The following CELF6 variants were observed in gnomAD, a reference collection of about 807,000 sequenced individuals.
The protein encoded by CELF6 is CUGBP Elav-like family member 6.
Under a neutral mutation model 53.1 loss-of-function variants are expected in CELF6, and 32 were observed. That is an observed-to-expected ratio of 0.60 (90% confidence interval 0.46 to 0.81). CELF6 has a LOEUF of 0.81. Ranked by LOEUF, CELF6 falls within the 30% of genes least tolerant of loss-of-function variation. The probability of loss-of-function intolerance (pLI) is 0.00; values close to 1 mark genes in which losing one functional copy is unlikely to be tolerated. For synonymous variants in CELF6, 291 were observed against 288.8 expected (o/e 1.01, Z -0.08); for missense variants, 539 against 669.5 (o/e 0.81, Z 2.15).
rs746332755 is a variant in CELF6 at position 72,287,400 on chromosome 15, G to A, written c.1319-8C>T. The A allele has an allele frequency of 6.2e-7, 1 of 1,613,760 alleles. No homozygotes were observed. Among genetic ancestry groups the A allele is most frequent in the African/African-American group, 1.3e-5 (1 of 74,922 alleles). On this transcript the variant is annotated splice_polypyrimidine_tract_variant and splice_region_variant and intron_variant, in intron 11 of 12. Coordinates refer to ENST00000287202, the MANE Select transcript of CELF6 (RefSeq NM_052840.5). ...TGTCAAAACTAACAAACCCTGGAGG[G>A]TGTGGGCAAAGAGATTAGCTGGGGA...
intron 3 of CELF6, among the ~76,000 whole-genome samples, chr15:72,293,566 G>A (rs1435569690): frequency 2.0e-5 from 3 of 152,196 alleles, no homozygotes; most frequent in African/African-American, 7.2e-5. Flanking sequence ...CAACCTTCCT[G>A]GAGTGGAAAG....
rs2141180464 is a variant in CELF6, at chr15:72,285,392, G to A, written c.*979C>T. Reference sequence around the variant, plus strand: ...ATATCCTGAATCTACTTTACAGGTGGGCAAACTTAGACTAAGAGACAGAAG... The same window carrying A: ...ATATCCTGAATCTACTTTACAGGTGAGCAAACTTAGACTAAGAGACAGAAG... On this transcript the variant is annotated 3_prime_UTR_variant, in exon 13 of 13. Transcript: ENST00000287202. 6.6e-6 allele frequency: 1 copy of A among 152,514 alleles called. No homozygotes were observed. Among genetic ancestry groups the A allele is most frequent in the Non-Finnish European group, 1.5e-5 (1 of 68,060 alleles). 9.4% of individuals were successfully genotyped at this position (152,514 alleles called of 1,614,324 possible). A position where few individuals can be genotyped will look rare whatever the true frequency, so the allele number is the denominator to read the frequency against.
Position 72,319,689 on chromosome 15 carries a change from G to C in CELF6, c.186C>G (p.Leu62=). ...GGCCGAACTCCTCGAACAGCGGCTT[G>C]AGGTCCTGCTCGTCCAAGCCCCGCG... The part of the protein sequence containing the change: ...QIPRGLDEQD[L]KPLFEEFGRI... Residue 62 remains leucine (L), a synonymous_variant, in exon 1 of 13, where the codon CTC becomes CTG. Coordinates refer to ENST00000287202, the MANE Select transcript of CELF6 (RefSeq NM_052840.5). This position sits in a 1 kb window ranked among gnomAD's most constrained non-coding sequence, Gnocchi z 5.0. 6.3e-7 allele frequency: 1 copy of C among 1,590,318 alleles called. No individual in the cohort carries two copies. The highest frequency in any genetic ancestry group is 8.6e-7 in the Non-Finnish European group (1 of 1,168,512).
intron 2 of CELF6, 70 bp from the exon 3 acceptor site, chr15:72,304,864 C>A: frequency 2.1e-6 from 3 of 1,416,950 alleles, no homozygotes; most frequent in Non-Finnish European, 3.0e-6. Flanking sequence ...GCTTCTCGAA[C>A]CCTGGACTCC....
At chr15:72,308,527 G>A (rs1172868346) in intron 2 of CELF6, among the ~76,000 whole-genome samples, 1 of 151,954 alleles carries the variant, frequency 6.6e-6, no homozygotes, top group Non-Finnish European at 1.5e-5. Context: ...GCACCTGGCC[G>A]GTTTTTGTTG....
At chr15:72,306,326 C>T (rs184877786) in intron 2 of CELF6, 1 of 984,642 alleles carries the variant, frequency 1.0e-6, no homozygotes, top group East Asian at 1.1e-4. Flanking sequence ...GCCCATCTGG[C>T]CTGAGAAGGT....
At chr15:72,318,973 G>C (rs545578975) in intron 1 of CELF6, among the ~76,000 whole-genome samples, 4 of 152,316 alleles carry the variant, frequency 2.6e-5, no homozygotes, top group African/African-American at 9.6e-5. Flanking sequence ...GGAGAGATTG[G>C]GGCTGTTGTT....
chr15:72,318,482 G>C (rs567917817), intron 1 of CELF6, among the ~76,000 whole-genome samples: 1 of 152,290 alleles, frequency 6.6e-6, no homozygotes, highest in South Asian at 2.1e-4. Context: ...CATGGTGGTG[G>C]TGGTGGGGGA....
At chr15:72,311,556 T>C (rs1318666124) in intron 2 of CELF6, among the ~76,000 whole-genome samples, 3 of 151,550 alleles carry the variant, frequency 2.0e-5, no homozygotes, top group Non-Finnish European at 4.4e-5. Flanking sequence ...GCGCTCGCCA[T>C]CACGCCCTGC....
intron 4 of CELF6, 54 bp from the exon 5 acceptor site, chr15:72,290,072 T>C (rs2087985693): frequency 2.5e-6 from 4 of 1,613,456 alleles, no homozygotes; most frequent in South Asian, 2.2e-5. Flanking sequence ...CAAAGAGTTA[T>C]GTGGCCCAGA....
intron 2 of CELF6, among the ~76,000 whole-genome samples, chr15:72,307,303 T>C (rs1270644516): frequency 1.3e-5 from 2 of 151,994 alleles, no homozygotes; most frequent in African/African-American, 2.4e-5. Context: ...ACATACATGT[T>C]CCCCCCTGGA....
At chr15:72,293,878 G>C (rs1006339941) in intron 3 of CELF6, among the ~76,000 whole-genome samples, 2 of 152,034 alleles carry the variant, frequency 1.3e-5, no homozygotes, top group Admixed American at 6.5e-5. Flanking sequence ...TTTTTTAGTA[G>C]AGACAGGGTT....
At chr15:72,311,098 T>G (rs2140304927) in intron 2 of CELF6, among the ~76,000 whole-genome samples, 1 of 152,322 alleles carries the variant, frequency 6.6e-6, no homozygotes, top group Admixed American at 6.5e-5. Flanking sequence ...CTGCAAAGCA[T>G]CTACTCCCTC....
intron 2 of CELF6, among the ~76,000 whole-genome samples, chr15:72,315,477 T>C (rs2088350991): frequency 6.6e-6 from 1 of 152,048 alleles, no homozygotes; most frequent in Non-Finnish European, 1.5e-5. Context: ...CTAGAGAAAA[T>C]GGGCTACCAG....
At chr15:72,295,725 CAAAA>C (rs35288698) in intron 3 of CELF6, among the ~76,000 whole-genome samples, 5 of 109,034 alleles carry the variant, frequency 4.6e-5, no homozygotes, top group Admixed American at 9.4e-5. Context: ...GACTCTGTCT[CAAAA>C]AAAAAAAAAA....
At chr15:72,312,099 G>A (rs2088304713) in intron 2 of CELF6, among the ~76,000 whole-genome samples, 1 of 152,174 alleles carries the variant, frequency 6.6e-6, no homozygotes, top group Non-Finnish European at 1.5e-5. Context: ...CGTAAGTGGG[G>A]CTGAGGCTAG....
At chr15:72,292,887 C>T (rs1013165078) in intron 3 of CELF6, among the ~76,000 whole-genome samples, 8 of 152,124 alleles carry the variant, frequency 5.3e-5, no homozygotes, top group Admixed American at 2.0e-4. Flanking sequence ...AATAGCCAGG[C>T]GTGGTGGCAC....
chr15:72,308,243 T>C (rs1422872576), intron 2 of CELF6, among the ~76,000 whole-genome samples: 1 of 152,138 alleles, frequency 6.6e-6, no homozygotes, highest in Non-Finnish European at 1.5e-5. Flanking sequence ...TTGTTTGTTT[T>C]TTGAGTCAGA....
chr15:72,311,201 A>G (rs897022497), intron 2 of CELF6, among the ~76,000 whole-genome samples: 1 of 149,690 alleles, frequency 6.7e-6, no homozygotes, highest in Admixed American at 6.6e-5. Context: ...GGGTTTCACC[A>G]TGTTGGCCAG....
Sources: allele counts gnomAD v4.1 joint callset (sites outside exome capture counted in the v4.1 genomes callset), GRCh38; gene constraint gnomAD v4.1.1; non-coding constraint Gnocchi (gnomAD v3.1); transcripts MANE v1.5; gene names NCBI Gene and HGNC (gene_info 2026-07-23, HGNC 2026-07-21).